The following CREB1 variants were observed in gnomAD, a reference collection of about 807,000 sequenced individuals.
CREB1 encodes cAMP responsive element binding protein 1, also known as cyclic AMP-responsive element-binding protein 1.
In CREB1, 2 loss-of-function variants were observed where a neutral mutation model predicts 42.0. That is an observed-to-expected ratio of 0.05 (90% CI 0.02 to 0.15). CREB1 has a LOEUF of 0.15. Ranked by LOEUF, CREB1 falls within the 10% of genes least tolerant of loss-of-function variation. The probability of loss-of-function intolerance (pLI) is 1.00; values close to 1 mark genes in which losing one functional copy is unlikely to be tolerated. For missense variants in CREB1, 199 were observed against 388.9 expected (o/e 0.51, Z 4.11); for synonymous variants, 123 against 139.9 (o/e 0.88, Z 0.85).
At chr2:207,567,594 G>A (rs768413791) in intron 4 of CREB1, 31 bp downstream of exon 4, 6 of 1,495,492 alleles carry the variant, frequency 4.0e-6, no homozygotes. Flanking sequence ...AATCAAAGAT[G>A]TGGAGGAAGT....
At position 207,555,613 on chromosome 2, in the gene CREB1, TC is replaced by T. The variant is rs771400764; in HGVS notation, c.-8-13del. On this transcript the variant is annotated splice_polypyrimidine_tract_variant and intron_variant, in intron 1 of 7. Transcript: ENST00000353267. ...AGCACTGTGGTGCTTGTAACACTCT[TC>T]CATATTATTATAGGTAACTAAATGA... 1 of 1,521,774 alleles carries T rather than the reference TC, an allele frequency of 6.6e-7. No individual in the cohort carries two copies. The highest frequency in any genetic ancestry group is 9.1e-7 in the Non-Finnish European group (1 of 1,098,952). The allele number at this position is 1,521,774 out of a possible 1,614,324, so 94.3% of individuals were successfully genotyped here.
chr2:207,559,214 C>T, intron 2 of CREB1: 19 of 695,478 alleles, frequency 2.7e-5, no homozygotes, highest in Non-Finnish European at 3.2e-5. Context: ...TTTGCTTTTG[C>T]CACTACTCCA....
chr2:207,557,251 T>C (rs1424773223), intron 2 of CREB1, among the ~76,000 whole-genome samples: 1 of 152,200 alleles, frequency 6.6e-6, no homozygotes, highest in African/African-American at 2.4e-5. Context: ...CAGAGTAGGC[T>C]GTATTGTGTC....
chr2:207,564,185 A>G (rs2082055487), intron 3 of CREB1, among the ~76,000 whole-genome samples: 1 of 152,154 alleles, frequency 6.6e-6, no homozygotes, highest in Non-Finnish European at 1.5e-5. Flanking sequence ...GAGTTGGAAG[A>G]TCATTGATCT....
chr2:207,554,343 C>T (rs2081632328), intron 1 of CREB1, among the ~76,000 whole-genome samples: 1 of 152,042 alleles, frequency 6.6e-6, no homozygotes, highest in African/African-American at 2.4e-5. Flanking sequence ...GTGTAATGAT[C>T]ACAAGGATCA....
At chr2:207,595,771 A>G (rs1393220015) in intron 7 of CREB1, among the ~76,000 whole-genome samples, 1 of 151,954 alleles carries the variant, frequency 6.6e-6, no homozygotes. Context: ...GTCTTAATAT[A>G]TTGCCCAGGC....
At chr2:207,554,015 A>G (rs908331824) in intron 1 of CREB1, among the ~76,000 whole-genome samples, 2 of 152,074 alleles carry the variant, frequency 1.3e-5, no homozygotes, top group East Asian at 3.8e-4. Flanking sequence ...ATGATGGATA[A>G]TTGTTTTCAG....
rs776262703 is a variant in CREB1, at chr2:207,561,126, G to A, written c.261+754G>A. On this transcript the variant is annotated intron_variant, in intron 3 of 7. Transcript: ENST00000353267. ...ATATTTTTTGCTTCACAGTCTTCCT[G>A]TAAGGACTTAAAAAGACTTTTCTCC... is the stretch of plus-strand genomic sequence containing the variant. The A allele has an allele frequency of 9.3e-6, 15 of 1,613,246 alleles. No homozygotes were observed. The African/African-American group carries it at 1.6e-4, about 17-fold the overall frequency.
At chr2:207,545,878 C>T (rs1159567771) in intron 1 of CREB1, among the ~76,000 whole-genome samples, 2 of 151,926 alleles carry the variant, frequency 1.3e-5, no homozygotes, top group East Asian at 1.9e-4. Flanking sequence ...GGATTACAGG[C>T]GTGCGCCACC....
chr2:207,575,257 TC>T lies in CREB1; in HGVS notation c.506-13del, dbSNP rs1308958942. ...TGGTATTAAACTTGTAACAATAAAA[TC>T]CATTGGCTTTTAGTTGCCATTACCC... On this transcript the variant is annotated splice_polypyrimidine_tract_variant and intron_variant, in intron 5 of 7. Transcript: ENST00000353267. 6.2e-7 allele frequency: 1 copy of T among 1,610,390 alleles called. No individual in the cohort carries two copies. The highest frequency in any genetic ancestry group is 8.5e-7 in the Non-Finnish European group (1 of 1,177,050).
Position 207,555,721 on chromosome 2 carries a change from C to G in CREB1, c.86C>G (p.Ala29Gly). ...EAENQQMTVQ[A>G]QPQIATLAQV... is the part of the protein sequence containing the mutation. ...GAAAACCAACAAATGACAGTTCAAG[C>G]CCAGCCACAGATTGCCACATTAGCC... The change falls in exon 2 of 8, where the codon GCC (alanine) becomes GGC (glycine). Residue 29 changes from alanine to glycine, a missense_variant. By Grantham distance (60) the Ala-to-Gly change is moderately conservative. Coordinates refer to ENST00000353267, the MANE Select transcript of CREB1 (RefSeq NM_004379.5). 6.2e-7 allele frequency: 1 copy of G among 1,613,098 alleles called. No homozygotes were observed.
intron 1 of CREB1, among the ~76,000 whole-genome samples, chr2:207,539,073 C>T (rs577847138): frequency 1.3e-5 from 2 of 148,548 alleles, no homozygotes; most frequent in Admixed American, 6.8e-5. Context: ...AGGAATCTCG[C>T]TCTGTCTCCC....
chr2:207,586,868 A>G (rs1371611242), intron 7 of CREB1, among the ~76,000 whole-genome samples: 1 of 152,264 alleles, frequency 6.6e-6, no homozygotes, highest in African/African-American at 2.4e-5. Context: ...GGTTATTATC[A>G]AAAAGACAAG....
rs1460634774 is a variant in CREB1, at chr2:207,600,360, G to C, written c.*3302G>C. The C allele has an allele frequency of 5.4e-6, 1 of 186,648 alleles. No homozygotes were observed. Among genetic ancestry groups the C allele is most frequent in the Non-Finnish European group, 1.1e-5 (1 of 88,572 alleles). The allele number at this position is 186,648 out of a possible 1,614,324, so 11.6% of individuals were successfully genotyped here. On this transcript the variant is annotated 3_prime_UTR_variant, in exon 8 of 8. Coordinates refer to ENST00000353267, the MANE Select transcript of CREB1 (RefSeq NM_004379.5). ...CAGATGAAATTTTACATTTTTGTGTGTTCTGTTGCATTCCTTCTGGTAGTT... is the reference window on the plus strand; with the variant it reads ...CAGATGAAATTTTACATTTTTGTGTCTTCTGTTGCATTCCTTCTGGTAGTT...
chr2:207,568,183 A>G (rs1166370992), intron 4 of CREB1: 1 of 152,102 alleles, frequency 6.6e-6, no homozygotes, highest in Non-Finnish European at 1.5e-5. Flanking sequence ...CAGACTCATA[A>G]TTATCTTCCT....
chr2:207,541,171 A>G (rs944095158), intron 1 of CREB1, among the ~76,000 whole-genome samples: 3 of 152,058 alleles, frequency 2.0e-5, no homozygotes, highest in African/African-American at 7.2e-5. Flanking sequence ...GTGAGCCGAG[A>G]TCGTGCCACT....
intron 1 of CREB1, among the ~76,000 whole-genome samples, chr2:207,546,307 G>A (rs1471017656): frequency 1.3e-5 from 2 of 152,282 alleles, no homozygotes; most frequent in East Asian, 1.9e-4. Flanking sequence ...CTTGAAGCAA[G>A]TCTTTTATCA....
intron 1 of CREB1, among the ~76,000 whole-genome samples, chr2:207,535,965 C>A (rs1047366256): frequency 1.3e-5 from 2 of 151,888 alleles, no homozygotes; most frequent in Non-Finnish European, 2.9e-5. Flanking sequence ...GGACAACAGG[C>A]GCGCACCACC....
chr2:207,540,653 A>G (rs920058981), intron 1 of CREB1, among the ~76,000 whole-genome samples: 1 of 144,340 alleles, frequency 6.9e-6, no homozygotes, highest in Non-Finnish European at 1.5e-5. Flanking sequence ...AAAGTTTAAC[A>G]AAAAAGTTTA....
Sources: allele counts gnomAD v4.1 joint callset (sites outside exome capture counted in the v4.1 genomes callset), GRCh38; gene constraint gnomAD v4.1.1; transcripts MANE v1.5; gene names NCBI Gene and HGNC (gene_info 2026-07-23, HGNC 2026-07-21).